NARS2: variants seen among roughly 807,000 people sequenced by gnomAD.
NARS2 encodes asparaginyl-tRNA synthetase 2, mitochondrial.
In NARS2, 60 loss-of-function variants were observed where a neutral mutation model predicts 62.9. The ratio of observed to expected loss-of-function variants is 0.95; its 90% CI spans 0.77 to 1.18. The LOEUF is 1.18. NARS2 is among the 50% of genes most tolerant of loss of function. The pLI is 0.00. For missense variants in NARS2, 619 were observed against 576.4 expected (o/e 1.07, Z -0.76); for synonymous variants, 196 against 200.0 (o/e 0.98, Z 0.17).
intron 11 of NARS2, among the ~76,000 whole-genome samples, chr11:78,464,278 T>C (rs1315449830): frequency 6.6e-6 from 1 of 152,110 alleles, no homozygotes; most frequent in African/African-American, 2.4e-5. Context: ...AAAGGCAGTG[T>C]GGACCCAAAG....
At chr11:78,502,927 G>A (rs530396437) in intron 6 of NARS2, among the ~76,000 whole-genome samples, 1 of 146,460 alleles carries the variant, frequency 6.8e-6, no homozygotes, top group East Asian at 2.0e-4. Context: ...CCAGGAGGCG[G>A]AGGTTGCAGT....
chr11:78,545,364 C>T (rs1855824015), intron 5 of NARS2, among the ~76,000 whole-genome samples: 1 of 152,152 alleles, frequency 6.6e-6, no homozygotes, highest in African/African-American at 2.4e-5. Flanking sequence ...TAATCTTCCT[C>T]TCTTTCCTAT....
At chr11:78,554,215 G>T (rs1170379269) in intron 5 of NARS2, among the ~76,000 whole-genome samples, 1 of 152,094 alleles carries the variant, frequency 6.6e-6, no homozygotes, top group South Asian at 2.1e-4. Context: ...GGCTATCTGG[G>T]CTCTTGGCTA....
chr11:78,552,154 C>T (rs964139728), intron 5 of NARS2, among the ~76,000 whole-genome samples: 5 of 152,198 alleles, frequency 3.3e-5, no homozygotes, highest in Admixed American at 2.6e-4. Flanking sequence ...CCATCCTCCC[C>T]CCTCAGGAAG....
intron 7 of NARS2, among the ~76,000 whole-genome samples, chr11:78,487,354 TAA>T (rs764364438): frequency 2.5e-4 from 23 of 92,330 alleles, no homozygotes; most frequent in Non-Finnish European, 2.7e-4. Context: ...AGGCTCTGTC[TAA>T]AAAAAAAAAA....
At chr11:78,446,295 T>C (rs951908951) in intron 11 of NARS2, among the ~76,000 whole-genome samples, 1 of 152,216 alleles carries the variant, frequency 6.6e-6, no homozygotes, top group Non-Finnish European at 1.5e-5. Flanking sequence ...TCCTCATTAC[T>C]ATGATTAAAG....
intron 11 of NARS2, among the ~76,000 whole-genome samples, chr11:78,463,320 A>G (rs1020528191): frequency 1.3e-5 from 2 of 152,222 alleles, no homozygotes; most frequent in Admixed American, 6.5e-5. Context: ...TTGGACTACC[A>G]AAGTGCTAGG....
At chr11:78,466,049 A>G in intron 10 of NARS2, 36 bp from the exon 11 acceptor site, 4 of 1,551,310 alleles carry the variant, frequency 2.6e-6, no homozygotes, top group South Asian at 1.2e-5. Flanking sequence ...AAAAGAGGAG[A>G]CAGAGGTGAA....
At chr11:78,550,604 T>A (rs1291806492) in intron 5 of NARS2, among the ~76,000 whole-genome samples, 1 of 152,036 alleles carries the variant, frequency 6.6e-6, no homozygotes, top group Non-Finnish European at 1.5e-5. Context: ...TCAAAGAAAC[T>A]GAAAATAACA....
intron 12 of NARS2, among the ~76,000 whole-genome samples, chr11:78,442,249 A>AT (rs1005492971): frequency 9.9e-5 from 15 of 152,204 alleles, no homozygotes; most frequent in African/African-American, 3.4e-4. Context: ...GAATACTCAG[A>AT]TTTTTTCAAC....
At position 78,537,698 on chromosome 11, in the gene NARS2, G is replaced by A. The variant is rs187160542; in HGVS notation, c.595-8762C>T. Among the ~76,000 whole-genome samples, 7 of 152,312 alleles carry A rather than the reference G, an allele frequency of 4.6e-5. No individual in the cohort carries two copies. In the East Asian group the frequency reaches 1.4e-3, roughly 29 times the overall value. On this transcript the variant is annotated intron_variant, in intron 5 of 13. Transcript: ENST00000281038. ...TGCCTGTAGTTCCAGCTACTGAGGA[G>A]GCTGAGGAAGGATTGCTTGAGCACA...
chr11:78,554,500 C>CGTGTGTGCGTGTGTGTGT (rs1555041389), intron 5 of NARS2, among the ~76,000 whole-genome samples: 1 of 42,498 alleles, frequency 2.4e-5, no homozygotes, highest in Non-Finnish European at 8.9e-5. Context: ...TATTCCTAGG[C>CGTGTGTGCGTGTGTGTGT]GTGTGTGCGT....
At chr11:78,485,978 G>A (rs1311134194) in intron 7 of NARS2, among the ~76,000 whole-genome samples, 3 of 152,088 alleles carry the variant, frequency 2.0e-5, no homozygotes, top group African/African-American at 4.8e-5. Context: ...AGGTTCAAGC[G>A]ATTCTCATGC....
intron 6 of NARS2, among the ~76,000 whole-genome samples, chr11:78,506,054 T>G: frequency 6.6e-6 from 1 of 152,082 alleles, no homozygotes. Flanking sequence ...ATTGAAAAGA[T>G]AGTTCAAAAA....
intron 11 of NARS2, among the ~76,000 whole-genome samples, chr11:78,450,311 C>A (rs1437795910): frequency 6.6e-6 from 1 of 152,198 alleles, no homozygotes; most frequent in Non-Finnish European, 1.5e-5. Context: ...TATGGAAGAA[C>A]TTACCAAAAT....
intron 6 of NARS2, among the ~76,000 whole-genome samples, chr11:78,503,159 A>G (rs1417605888): frequency 6.6e-6 from 1 of 152,128 alleles, no homozygotes; most frequent in Non-Finnish European, 1.5e-5. Context: ...ACCACAATCA[A>G]AGCTGCTTTA....
intron 6 of NARS2, among the ~76,000 whole-genome samples, chr11:78,525,281 ACTT>A (rs1317130119): frequency 7.2e-5 from 11 of 152,266 alleles, no homozygotes; most frequent in Admixed American, 6.5e-4. Flanking sequence ...AAAGCTATGG[ACTT>A]TGGAGGAATA....
intron 13 of NARS2, among the ~76,000 whole-genome samples, chr11:78,440,123 G>A (rs1305768914): frequency 6.6e-6 from 1 of 152,146 alleles, no homozygotes; most frequent in Non-Finnish European, 1.5e-5. Context: ...GAGCGCAGTG[G>A]CACGATCTTG....
chr11:78,544,424 T>G (rs533372617), intron 5 of NARS2, among the ~76,000 whole-genome samples: 9 of 152,324 alleles, frequency 5.9e-5, no homozygotes, highest in Admixed American at 4.6e-4. Flanking sequence ...TATTTTAATA[T>G]GCTCTGAATT....
Sources: allele counts gnomAD v4.1 joint callset (sites outside exome capture counted in the v4.1 genomes callset), GRCh38; gene constraint gnomAD v4.1.1; transcripts MANE v1.5; gene names NCBI Gene and HGNC (gene_info 2026-07-23, HGNC 2026-07-21).